Variants in ATPAF1 observed in about 807,000 individuals in gnomAD.
ATPAF1 encodes the protein homolog of yeast ATP11.
ATPAF1 carries 26 observed loss-of-function variants against 43.9 expected under a neutral mutation model. That is an observed-to-expected ratio of 0.59 (90% CI 0.43 to 0.82). The LOEUF (loss-of-function observed/expected upper bound fraction) is 0.82. Ranked by LOEUF, ATPAF1 falls within the 40% of genes least tolerant of loss-of-function variation. ATPAF1 has a pLI of 0.00. For missense variants in ATPAF1, 366 were observed against 435.0 expected (o/e 0.84, Z 1.41); for synonymous variants, 157 against 168.0 (o/e 0.93, Z 0.50).
At chr1:46,665,546 T>C in intron 1 of ATPAF1, 182 bp from the exon 2 acceptor site, 3 of 1,226,372 alleles carry the variant, frequency 2.4e-6, no homozygotes, top group Non-Finnish European at 3.4e-6. Flanking sequence ...AAAGAAATCC[T>C]GTTATTCAAC....
At chr1:46,666,470 G>C (rs1676493336) in intron 1 of ATPAF1, 1 of 152,300 alleles carries the variant, frequency 6.6e-6, no homozygotes. Flanking sequence ...GCTGGGATCT[G>C]AGGATATAGA....
intron 4 of ATPAF1, among the ~76,000 whole-genome samples, chr1:46,656,446 G>T (rs1175364158): frequency 6.6e-6 from 1 of 152,144 alleles, no homozygotes; most frequent in Admixed American, 6.5e-5. Flanking sequence ...TTAACTCCTA[G>T]GACCTATGGA....
chr1:46,663,355 C>A (rs683585), intron 2 of ATPAF1, among the ~76,000 whole-genome samples: 1 of 152,216 alleles, frequency 6.6e-6, no homozygotes, highest in East Asian at 1.9e-4. Context: ...AAGGAATCGC[C>A]ACACTGACTT....
chr1:46,649,702 T>C (rs1428469567), intron 6 of ATPAF1, among the ~76,000 whole-genome samples: 2 of 152,098 alleles, frequency 1.3e-5, no homozygotes, highest in East Asian at 1.9e-4. Context: ...GGCAGGAGGA[T>C]TGCTTGAACC....
At chr1:46,655,298 G>C (rs1038869896) in intron 4 of ATPAF1, among the ~76,000 whole-genome samples, 3 of 152,112 alleles carry the variant, frequency 2.0e-5, no homozygotes, top group Non-Finnish European at 4.4e-5. Flanking sequence ...TTAAAATCCT[G>C]CTTCCAGAAA....
chr1:46,652,797 G>A (rs1366379147), intron 5 of ATPAF1, among the ~76,000 whole-genome samples, 169 bp from the exon 6 acceptor site: 1 of 152,166 alleles, frequency 6.6e-6, no homozygotes, highest in Non-Finnish European at 1.5e-5. Flanking sequence ...GGAAAAACCA[G>A]ATGTCTGTTT....
intron 7 of ATPAF1, among the ~76,000 whole-genome samples, chr1:46,644,513 A>G (rs1327424107): frequency 6.6e-6 from 1 of 152,228 alleles, no homozygotes; most frequent in African/African-American, 2.4e-5. Flanking sequence ...CTGTTCCTTC[A>G]TTCTATTTTG....
intron 6 of ATPAF1, among the ~76,000 whole-genome samples, chr1:46,651,539 G>A (rs1431486507): frequency 2.0e-5 from 3 of 151,986 alleles, no homozygotes; most frequent in Non-Finnish European, 2.9e-5. Flanking sequence ...TGGGTCAAAT[G>A]GTATTTCTAG....
chr1:46,636,682 TGAG>T (rs1474135771), intron 8 of ATPAF1, among the ~76,000 whole-genome samples: 1 of 151,314 alleles, frequency 6.6e-6, no homozygotes, highest in Non-Finnish European at 1.5e-5. Context: ...CTCAGGAGGC[TGAG>T]GTAGGAGGAT....
chr1:46,663,002 G>A lies in ATPAF1; in HGVS notation c.375+2254C>T, dbSNP rs531426469. Among the ~76,000 whole-genome samples the A allele has an allele frequency of 9.0e-3, 1,365 of 151,770 alleles. 24 individuals carry two copies. The highest frequency in any genetic ancestry group is 0.031 in the African/African-American group (1,291 of 41,320). ...CTGTGTCCATGTGTTCTCATTGTTC[G>A]ATTCCCACCCATGAGTGAGAACATG... On this transcript the variant is annotated intron_variant, in intron 2 of 8. Transcript: ENST00000574428.
chr1:46,652,483 A>G, intron 6 of ATPAF1, 98 bp downstream of exon 6: 2 of 1,225,996 alleles, frequency 1.6e-6, no homozygotes, highest in Non-Finnish European at 2.3e-6. Context: ...ACAGAGCACT[A>G]TAACATGTGA....
chr1:46,636,052 C>T, intron 8 of ATPAF1, 82 bp from the exon 9 acceptor site: 1 of 1,507,144 alleles, frequency 6.6e-7, no homozygotes, highest in Non-Finnish European at 9.1e-7. Flanking sequence ...GGGTGGGGGC[C>T]CTCGCCCAGG....
intron 2 of ATPAF1, chr1:46,663,973 T>C (rs140677160): frequency 4.5e-4 from 509 of 1,120,024 alleles, no homozygotes; most frequent in Middle Eastern, 1.2e-3. Flanking sequence ...TTTAGTGGAT[T>C]GTGATCAGAG....
At chr1:46,651,980 A>G (rs1252559188) in intron 6 of ATPAF1, among the ~76,000 whole-genome samples, 1 of 152,172 alleles carries the variant, frequency 6.6e-6, no homozygotes, top group Non-Finnish European at 1.5e-5. Flanking sequence ...AACCACAATG[A>G]GATACCATCT....
intron 1 of ATPAF1, among the ~76,000 whole-genome samples, chr1:46,667,002 T>C (rs184477433): frequency 4.6e-5 from 7 of 152,332 alleles, no homozygotes; most frequent in Admixed American, 3.9e-4. Flanking sequence ...GGAATGTACA[T>C]CAAAGAAAGG....
intron 1 of ATPAF1, among the ~76,000 whole-genome samples, chr1:46,666,881 G>C (rs1189976042): frequency 6.6e-6 from 1 of 152,126 alleles, no homozygotes; most frequent in Non-Finnish European, 1.5e-5. Context: ...TTCATGAGTG[G>C]GTAAGAATAA....
chr1:46,654,528 T>TTTATTTA (rs1553218331), intron 4 of ATPAF1, among the ~76,000 whole-genome samples: 52 of 135,264 alleles, frequency 3.8e-4, no homozygotes, highest in South Asian at 9.8e-4. Context: ...TATTTATTTA[T>TTTATTTA]TTATTATTAT....
chr1:46,646,904 T>G lies in ATPAF1; in HGVS notation c.589-1648A>C, dbSNP rs556588937. Among the ~76,000 whole-genome samples, 9 of 152,344 alleles carry G rather than the reference T, an allele frequency of 5.9e-5. No homozygotes were observed. In the East Asian group the frequency reaches 1.7e-3, roughly 29 times the overall value. On this transcript the variant is annotated intron_variant, in intron 6 of 8. Transcript: ENST00000574428. ...TGATTTGCTTTCTGCCACTATAGGT[T>G]AGTGTGCCTTTGTAGAATTTTGTAA...
In ATPAF1 at chr1:46,645,136, T is replaced by C. The variant is rs201158311; in HGVS notation, c.684+25A>G. Reference sequence around the variant, plus strand: ...TACCAAGGGGTAGTCCTCTTTCCTCTAGAGGAAGGGCACAAGCCACCTACC... The same window carrying C: ...TACCAAGGGGTAGTCCTCTTTCCTCCAGAGGAAGGGCACAAGCCACCTACC... On this transcript the variant is annotated intron_variant, in intron 7 of 8. Transcript: ENST00000574428. 5.0e-5 allele frequency: 79 copies of C among 1,584,348 alleles called. No individual in the cohort carries two copies. The East Asian group carries it at 1.7e-3, about 34-fold the overall frequency.
Sources: gnomAD v4.1 joint callset for allele counts (sites outside exome capture counted in the v4.1 genomes callset) on GRCh38, gnomAD v4.1.1 for gene constraint, MANE v1.5 for transcripts, NCBI Gene and HGNC (gene_info 2026-07-23, HGNC 2026-07-21) for gene names.